GRTP1: variants seen among roughly 807,000 people sequenced by gnomAD.
GRTP1 encodes the protein growth hormone regulated TBC protein 1, also known as growth hormone-regulated TBC protein 1.
GRTP1 carries 56 observed loss-of-function variants against 38.1 expected under a neutral mutation model. The ratio of observed to expected loss-of-function variants is 1.47; its 90% CI spans 1.19 to 1.84. The LOEUF (loss-of-function observed/expected upper bound fraction) is 1.84. Ranked by LOEUF, GRTP1 falls within the 40% of genes most tolerant of loss-of-function variation. The pLI is 0.00. For missense variants in GRTP1, 506 were observed against 453.9 expected, an observed-to-expected ratio of 1.11 and a Z score of -1.04; for synonymous variants, 217 against 189.5, an observed-to-expected ratio of 1.14 and a Z score of -1.19.
At chr13:113,328,033 G>A (rs537983347) in intron 5 of GRTP1, among the ~76,000 whole-genome samples, 2 of 152,314 alleles carry the variant, frequency 1.3e-5, no homozygotes, top group East Asian at 1.9e-4. Context: ...CTTGAACATC[G>A]AGGGCAAGGT....
intron 5 of GRTP1, 31 bp from the exon 6 acceptor site, chr13:113,326,122 G>T: frequency 6.2e-7 from 1 of 1,600,030 alleles, no homozygotes. Flanking sequence ...AAGACCCCGA[G>T]ACACTCCCGT....
chr13:113,346,075 T>TCTGTGGCCGA (rs2043109096), intron 4 of GRTP1, among the ~76,000 whole-genome samples: 1 of 5,376 alleles, frequency 1.9e-4, no homozygotes, highest in African/African-American at 5.2e-4. Context: ...CCTCTGCGGC[T>TCTGTGGCCGA]GAGCAGACCT....
intron 5 of GRTP1, among the ~76,000 whole-genome samples, chr13:113,333,828 TTATTTATTTA>T (rs1341046451): frequency 9.0e-6 from 1 of 111,144 alleles, no homozygotes; most frequent in East Asian, 2.7e-4. Flanking sequence ...ATTTATTTAT[TTATTTATTTA>T]GTGTGTGTGT....
intron 4 of GRTP1, among the ~76,000 whole-genome samples, chr13:113,346,008 CTCTGCGGCTGAGCAGACCTGGGAAGACA>C (rs1459892994): frequency 6.3e-5 from 6 of 94,958 alleles, no homozygotes; most frequent in African/African-American, 1.1e-4. Context: ...CCGAGAGGAC[CTCTGCGGCTGAGCAGACCTGGGAAGACA>C]TCTGTGGCCG....
intron 5 of GRTP1, among the ~76,000 whole-genome samples, chr13:113,330,889 A>G (rs766675113): frequency 2.9e-4 from 1 of 3,448 alleles, no homozygotes; most frequent in African/African-American, 1.5e-3. Context: ...GTGCATGGAA[A>G]CCCGGGTGTG....
chr13:113,350,905 G>A lies in GRTP1; in HGVS notation c.409C>T (p.Leu137=). ...CCATATGCCAGCAGCACATTGTACA[G>A]GGTCCTCTGTAAGCAGGGGTCCGTG... is the stretch of plus-strand genomic sequence containing the variant. ...KTTDPCLQRT[L]YNVLLAYGHH... is the part of the protein sequence containing the mutation. Residue 137 remains leucine, a synonymous_variant, in exon 4 of 8, where the codon CTG becomes TTG. Transcript: ENST00000375431. The A allele has an allele frequency of 6.2e-7, 1 of 1,612,162 alleles. No individual in the cohort carries two copies. The highest frequency in any genetic ancestry group is 2.2e-5 in the East Asian group (1 of 44,792).
chr13:113,327,185 AT>A (rs967712534), intron 5 of GRTP1, among the ~76,000 whole-genome samples: 1 of 151,496 alleles, frequency 6.6e-6, no homozygotes, highest in Non-Finnish European at 1.5e-5. Flanking sequence ...GTTATAGTAC[AT>A]TTTTTTTTGA....
rs144183757 is a variant in GRTP1 at position 113,325,771 on chromosome 13, T to G, written c.811A>C (p.Lys271Gln). 33 of 1,613,846 alleles carry G rather than the reference T, an allele frequency of 2.0e-5. No homozygotes were observed. The highest frequency in any genetic ancestry group is 2.7e-5 in the Non-Finnish European group (32 of 1,179,890). The part of the protein sequence containing the change: ...IIFRVALTLI[K>Q]QHQELILEAT... ...TCCAAAATCAACTCCTGGTGCTGCT[T>G]AATTAAGGTCAGGGCCACCCGGAAG... The change falls in exon 7 of 8, where the codon AAG becomes CAG. Residue 271 changes from lysine to glutamine, a missense_variant. Lys to Gln is a moderately conservative substitution (Grantham distance 53). Transcript: ENST00000375431.
At chr13:113,340,652 CGCCTGTAGTCCCA>C (rs2043013768) in intron 5 of GRTP1, among the ~76,000 whole-genome samples, 1 of 151,960 alleles carries the variant, frequency 6.6e-6, no homozygotes, top group South Asian at 2.1e-4. Context: ...TGGTGGCGGG[CGCCTGTAGTCCCA>C]GCTACTCAGG....
intron 7 of GRTP1, 156 bp downstream of exon 7, chr13:113,325,505 A>AG: frequency 6.7e-7 from 1 of 1,489,868 alleles, no homozygotes; most frequent in Non-Finnish European, 8.9e-7. Flanking sequence ...GGCCAGGCGC[A>AG]GGGGGCAGAT....
rs2043230783 is a variant in GRTP1, at chr13:113,349,967, T to A, written c.465+882A>T. Among the ~76,000 whole-genome samples, 1 of 152,124 alleles carries A rather than the reference T, an allele frequency of 6.6e-6. No individual in the cohort carries two copies. The highest frequency in any genetic ancestry group is 1.5e-5 in the Non-Finnish European group (1 of 68,018). ...AACCCCTAGGAGCCCGTGAAGCACATGGCCTAAAATGCCAGGAACGCACTC... is the reference window on the plus strand; with the variant it reads ...AACCCCTAGGAGCCCGTGAAGCACAAGGCCTAAAATGCCAGGAACGCACTC... On this transcript the variant is annotated intron_variant, in intron 4 of 7. Coordinates refer to ENST00000375431, the MANE Select transcript of GRTP1 (RefSeq NM_024719.4). The surrounding 1 kb of genome is among the most constrained non-coding windows in gnomAD (Gnocchi z 5.0).
chr13:113,357,742 C>G (rs573096544), intron 2 of GRTP1, among the ~76,000 whole-genome samples: 12 of 152,300 alleles, frequency 7.9e-5, no homozygotes, highest in African/African-American at 2.9e-4. Flanking sequence ...CTTAGTCATT[C>G]TGTGCTATAC....
intron 4 of GRTP1, among the ~76,000 whole-genome samples, chr13:113,346,578 CCGAG>C (rs2043141790): frequency 9.2e-5 from 1 of 10,848 alleles, no homozygotes; most frequent in African/African-American, 1.1e-4. Context: ...ACCTCTGTGG[CCGAG>C]AACAGACCCG....
At chr13:113,347,008 G>A (rs367834694) in intron 4 of GRTP1, among the ~76,000 whole-genome samples, 28 of 728 alleles carry the variant, frequency 0.038, 9 homozygotes, top group Non-Finnish European at 0.062. Flanking sequence ...GAGCGGACCC[G>A]GGAGGACCTC....
chr13:113,325,524 G>C (rs1236238194), intron 7 of GRTP1, 137 bp downstream of exon 7: 5 of 1,535,608 alleles, frequency 3.3e-6, no homozygotes, highest in Non-Finnish European at 4.4e-6. Context: ...ATGCAGGACA[G>C]AGCTGGAGGC....
chr13:113,332,757 C>T (rs1377897113), intron 5 of GRTP1, among the ~76,000 whole-genome samples: 5 of 152,256 alleles, frequency 3.3e-5, no homozygotes. Flanking sequence ...AGGTCTGGGG[C>T]AGAAGGCCCA....
chr13:113,330,654 AG>A (rs2042852265), intron 5 of GRTP1, among the ~76,000 whole-genome samples: 1 of 116,476 alleles, frequency 8.6e-6, no homozygotes, highest in African/African-American at 3.1e-5. Flanking sequence ...ATGGGAGCCC[AG>A]GTGTGTGCAT....
intron 5 of GRTP1, among the ~76,000 whole-genome samples, chr13:113,329,386 G>A (rs550044088): frequency 1.1e-4 from 16 of 151,988 alleles, no homozygotes; most frequent in African/African-American, 3.1e-4. Context: ...GAGACTAGCC[G>A]GGCCAACATG....
chr13:113,334,885 C>G (rs1041625236), intron 5 of GRTP1, among the ~76,000 whole-genome samples: 2 of 152,124 alleles, frequency 1.3e-5, no homozygotes, highest in African/African-American at 4.8e-5. Context: ...TGCAGTGGCG[C>G]GATCTCGGCT....
Sources: allele counts gnomAD v4.1 joint callset (sites outside exome capture counted in the v4.1 genomes callset), GRCh38; gene constraint gnomAD v4.1.1; non-coding constraint Gnocchi (gnomAD v3.1); transcripts MANE v1.5; gene names NCBI Gene and HGNC (gene_info 2026-07-23, HGNC 2026-07-21).